The following DGLUCY variants were observed in gnomAD, a reference collection of about 807,000 sequenced individuals.
The protein encoded by DGLUCY is D-glutamate cyclase, also known as D-glutamate cyclase, mitochondrial.
Under a neutral mutation model 58.5 loss-of-function variants are expected in DGLUCY, and 58 were observed. That is an observed-to-expected ratio of 0.99 (90% confidence interval 0.80 to 1.23). The LOEUF (loss-of-function observed/expected upper bound fraction) is 1.23, where lower values mean the gene tolerates loss of function less well. DGLUCY is among the 50% of genes most tolerant of loss of function. The pLI is 0.00. For synonymous variants in DGLUCY, 325 were observed against 314.1 expected (o/e 1.03, Z -0.37); for missense variants, 779 against 784.7 (o/e 0.99, Z 0.09).
intron 1 of DGLUCY, among the ~76,000 whole-genome samples, chr14:91,064,716 A>G (rs2043793398): frequency 6.6e-6 from 1 of 152,046 alleles, no homozygotes. Context: ...TGTATCTTGG[A>G]AGCCAAAGTA....
rs572246120 is a variant in DGLUCY at position 91,062,438 on chromosome 14, C to T, written c.-82+1734C>T. ...TGGTGGGCGCCTGTAATCCCAGCTA[C>T]TCAGGAAGCTGAGGCAGGAGAATTG... is the stretch of plus-strand genomic sequence containing the variant. On this transcript the variant is annotated intron_variant, in intron 1 of 4. Coordinates refer to the DGLUCY transcript ENST00000521334. Among the ~76,000 whole-genome samples, 487 of 150,400 alleles carry T rather than the reference C, an allele frequency of 3.2e-3. 4 individuals carry two copies. Among genetic ancestry groups the T allele is most frequent in the African/African-American group, 0.012 (473 of 40,980 alleles).
At chr14:91,147,507 C>T (rs1338466509) in intron 1 of DGLUCY, among the ~76,000 whole-genome samples, 2 of 152,104 alleles carry the variant, frequency 1.3e-5, no homozygotes, top group South Asian at 2.1e-4. Flanking sequence ...GGAACCATCC[C>T]GTAGCACTTA....
intron 4 of DGLUCY, 54 bp downstream of exon 4, chr14:91,167,432 G>C: frequency 6.2e-7 from 1 of 1,607,760 alleles, no homozygotes; most frequent in Non-Finnish European, 8.5e-7. Context: ...AGGTGCTGTA[G>C]CCAGGTGTCT....
chr14:91,088,852 T>C (rs929290886), intron 1 of DGLUCY, among the ~76,000 whole-genome samples: 3 of 152,200 alleles, frequency 2.0e-5, no homozygotes, highest in Admixed American at 2.0e-4. Flanking sequence ...CTATCTTTCC[T>C]TGGGGACCCC....
intron 1 of DGLUCY, among the ~76,000 whole-genome samples, chr14:91,069,328 T>C (rs982535630): frequency 2.0e-5 from 3 of 152,182 alleles, no homozygotes; most frequent in African/African-American, 7.2e-5. Flanking sequence ...CAGGCTGGAG[T>C]GCAGTGGCGT....
intron 1 of DGLUCY, among the ~76,000 whole-genome samples, chr14:91,122,541 C>T (rs1288012148): frequency 6.7e-5 from 10 of 150,314 alleles, no homozygotes; most frequent in South Asian, 2.1e-4. Flanking sequence ...CTGAATTGTA[C>T]ACTTTAAAAT....
chr14:91,126,391 G>C (rs1242463285), intron 1 of DGLUCY: 1 of 94,646 alleles, frequency 1.1e-5, no homozygotes, highest in African/African-American at 6.4e-5. Flanking sequence ...TGTTTCTCCT[G>C]TCATGTCTGT....
chr14:91,074,785 C>T (rs2043991597), intron 1 of DGLUCY, among the ~76,000 whole-genome samples: 1 of 152,122 alleles, frequency 6.6e-6, no homozygotes, highest in South Asian at 2.1e-4. Flanking sequence ...AAGAATTGCT[C>T]TTCTTGGCTG....
At chr14:91,060,411 G>A (rs1435148220) in exon 1 of DGLUCY, 5 of 1,505,050 alleles carry the variant, frequency 3.3e-6, no homozygotes, top group East Asian at 2.7e-5. Flanking sequence ...CGGCGCCGCC[G>A]CTGCTGCCAC....
chr14:91,066,688 A>G (rs1053747411), intron 1 of DGLUCY, among the ~76,000 whole-genome samples: 1 of 152,236 alleles, frequency 6.6e-6, no homozygotes, highest in Non-Finnish European at 1.5e-5. Context: ...GGAAGTAAAT[A>G]TTAAAATAAA....
Position 91,188,974 on chromosome 14 carries a change from C to A in DGLUCY, c.999C>A (p.Ser333=). 1 of 1,614,190 alleles carries A rather than the reference C, an allele frequency of 6.2e-7. No individual in the cohort carries two copies. The change falls in exon 9 of 14, where the codon TCC becomes TCA. Residue 333 remains serine (S), a synonymous_variant. Coordinates refer to ENST00000256324, the MANE Select transcript of DGLUCY (RefSeq NM_001102368.3). ...TGCTGAAGGCCTCTCTCTCGCTGTC[C>A]CATGCCCGCTCAGTGCTCATCACCA... ...DELLKASLSL[S]HARSVLITTG...
chr14:91,135,430 A>T (rs1216165362), intron 1 of DGLUCY, among the ~76,000 whole-genome samples: 3 of 152,058 alleles, frequency 2.0e-5, no homozygotes, highest in African/African-American at 4.8e-5. Flanking sequence ...CGGGCGGATC[A>T]CCTGAGGTCT....
chr14:91,068,059 GCACACACACACACGCGCACGCACA>G (rs2043852222), intron 1 of DGLUCY, among the ~76,000 whole-genome samples: 1 of 136,628 alleles, frequency 7.3e-6, no homozygotes, highest in Admixed American at 8.0e-5. Flanking sequence ...ACTGGCGCGT[GCACACACACACACGCGCACGCACA>G]CACACACACA....
At chr14:91,093,200 ATAAT>A (rs2044341970) in intron 1 of DGLUCY, among the ~76,000 whole-genome samples, 1 of 152,176 alleles carries the variant, frequency 6.6e-6, no homozygotes, top group South Asian at 2.1e-4. Context: ...TGATGATATA[ATAAT>A]TAATAATATA....
exon 1 of DGLUCY, chr14:91,060,572 C>T: frequency 1.8e-5 from 20 of 1,099,818 alleles, no homozygotes; most frequent in Non-Finnish European, 2.1e-5. Context: ...AAAGACGAGT[C>T]TCTTTCCCGC....
At chr14:91,159,035 T>C (rs904396670) in intron 2 of DGLUCY, 1 of 149,918 alleles carries the variant, frequency 6.7e-6, no homozygotes, top group Non-Finnish European at 1.5e-5. Flanking sequence ...TTTGCCATGT[T>C]GCCTGGGCAT....
chr14:91,166,487 A>T lies in DGLUCY; in HGVS notation c.104-738A>T, dbSNP rs542880097. 3.4e-4 allele frequency among the ~76,000 whole-genome samples: 51 copies of T among 152,170 alleles called. 1 individual carries two copies. The highest frequency in any genetic ancestry group is 1.2e-3 in the African/African-American group (51 of 41,502). ...TGAGACCAACCTGGCCACCATAGTG[A>T]AACCCCATCCCTACTAAAAATACAA... On this transcript the variant is annotated intron_variant, in intron 3 of 13. Transcript: ENST00000256324.
intron 1 of DGLUCY, among the ~76,000 whole-genome samples, chr14:91,150,546 A>G (rs1332959518): frequency 6.6e-6 from 1 of 152,058 alleles, no homozygotes; most frequent in African/African-American, 2.4e-5. Flanking sequence ...GGCTCAAGCA[A>G]TCCTCCTGCC....
chr14:91,153,688 C>T (rs768592348), intron 1 of DGLUCY, among the ~76,000 whole-genome samples: 4 of 152,208 alleles, frequency 2.6e-5, no homozygotes, highest in Non-Finnish European at 5.9e-5. Flanking sequence ...ATGAGCACTG[C>T]CTGCTCATGC....
Sources: allele counts gnomAD v4.1 joint callset (sites outside exome capture counted in the v4.1 genomes callset), GRCh38; gene constraint gnomAD v4.1.1; transcripts MANE v1.5; gene names NCBI Gene and HGNC (gene_info 2026-07-23, HGNC 2026-07-21).